ANKMY2: variants seen among roughly 807,000 people sequenced by gnomAD.
ANKMY2 encodes the protein ankyrin repeat and MYND domain containing 2, also known as ankyrin repeat and MYND domain-containing protein 2.
ANKMY2 carries 36 observed loss-of-function variants against 50.4 expected under a neutral mutation model. The ratio of observed to expected loss-of-function variants is 0.71; its 90% CI spans 0.55 to 0.94. The LOEUF is 0.94. Among genes scored for constraint, ANKMY2 ranks in the 40% least tolerant of loss-of-function variants. The pLI is 0.00. For missense variants in ANKMY2, 565 were observed against 524.0 expected (o/e 1.08, Z -0.76); for synonymous variants, 187 against 178.8 (o/e 1.05, Z -0.36).
intron 3 of ANKMY2, 86 bp downstream of exon 3, chr7:16,626,954 A>G (rs1343780717): frequency 1.3e-5 from 15 of 1,167,884 alleles, no homozygotes; most frequent in Non-Finnish European, 1.4e-5. Context: ...AATTACTAAA[A>G]TCAAAATGAA....
intron 7 of ANKMY2, among the ~76,000 whole-genome samples, chr7:16,606,374 A>G (rs1290537934): frequency 6.6e-6 from 1 of 152,054 alleles, no homozygotes; most frequent in Non-Finnish European, 1.5e-5. Context: ...GGTTGCAGTA[A>G]GCCGAGATCG....
chr7:16,600,554 T>A lies in ANKMY2; in HGVS notation c.*207A>T, dbSNP rs1049426776. The A allele has an allele frequency of 1.0e-5, 4 of 401,712 alleles. No homozygotes were observed. Among genetic ancestry groups the A allele is most frequent in the African/African-American group, 2.1e-5 (1 of 48,614 alleles). 24.9% of individuals were successfully genotyped at this position (401,712 alleles called of 1,614,324 possible). A position where few individuals can be genotyped will look rare whatever the true frequency, so the allele number is the denominator to read the frequency against. On this transcript the variant is annotated 3_prime_UTR_variant, in exon 10 of 10. Coordinates refer to ENST00000306999, the MANE Select transcript of ANKMY2 (RefSeq NM_020319.3). ...GTATTTTGAAACAAAAAATTTTCCA[T>A]AGGAATATCCATTCAATTATAGAAC...
chr7:16,628,949 A>C (rs1321392890), intron 2 of ANKMY2, among the ~76,000 whole-genome samples: 1 of 144,576 alleles, frequency 6.9e-6, no homozygotes. Flanking sequence ...AAACAAAACA[A>C]AACACAAAGC....
intron 1 of ANKMY2, 93 bp from the exon 2 acceptor site, chr7:16,636,548 T>C: frequency 2.2e-6 from 2 of 926,866 alleles, no homozygotes; most frequent in Admixed American, 2.7e-5. Context: ...AGGAGTTATC[T>C]GTAAGAGTAC....
chr7:16,633,619 T>C (rs962771821), intron 2 of ANKMY2, among the ~76,000 whole-genome samples: 9 of 152,198 alleles, frequency 5.9e-5, no homozygotes, highest in African/African-American at 1.9e-4. Context: ...TCGAATGTAT[T>C]ATACTACATT....
At chr7:16,606,451 G>T (rs2128342025) in intron 7 of ANKMY2, among the ~76,000 whole-genome samples, 1 of 151,966 alleles carries the variant, frequency 6.6e-6, no homozygotes. Flanking sequence ...AATTATAAGG[G>T]TAAGCATTTA....
At chr7:16,603,567 G>A in intron 8 of ANKMY2, 1 of 469,944 alleles carries the variant, frequency 2.1e-6, no homozygotes, top group Non-Finnish European at 4.4e-6. Context: ...AAGCACTGTG[G>A]TAGGCCCTTA....
chr7:16,604,881 A>C (rs2128341793), intron 7 of ANKMY2, 32 bp from the exon 8 acceptor site: 2 of 1,589,358 alleles, frequency 1.3e-6, no homozygotes, highest in East Asian at 4.5e-5. Flanking sequence ...GAAAAAACAA[A>C]TTCTGAAATC....
intron 4 of ANKMY2, among the ~76,000 whole-genome samples, chr7:16,623,596 A>G (rs764229604): frequency 5.9e-5 from 9 of 152,162 alleles, no homozygotes; most frequent in Non-Finnish European, 1.0e-4. Context: ...ACTGAGGCCT[A>G]TGGAGGTAAA....
chr7:16,613,040 AT>A (rs1162881467), intron 5 of ANKMY2, among the ~76,000 whole-genome samples: 4 of 152,326 alleles, frequency 2.6e-5, no homozygotes, highest in African/African-American at 9.6e-5. Context: ...GAAAATCACA[AT>A]AATCAAAGAC....
rs368949494 is a variant in ANKMY2, at chr7:16,615,892, C to A, written c.383G>T (p.Cys128Phe). The change falls in exon 5 of 10, where the codon TGT (cysteine) becomes TTT (phenylalanine). Residue 128 changes from cysteine (C) to phenylalanine (F), a missense_variant. By Grantham distance (205) the Cys-to-Phe change is radical. Coordinates refer to ENST00000306999, the MANE Select transcript of ANKMY2 (RefSeq NM_020319.3). ...QMAAFVGQHDCVTIINNFFPR... is the reference protein window; with the variant it reads ...QMAAFVGQHDFVTIINNFFPR... ...AAAGAAATTGTTGATTATGGTCACA[C>A]AATCATGTTGACCTTTTCATAGAAA... The A allele has an allele frequency of 5.0e-6, 8 of 1,611,224 alleles. No individual in the cohort carries two copies. In the African/African-American group the frequency reaches 9.4e-5, roughly 19 times the overall value.
intron 2 of ANKMY2, 111 bp from the exon 3 acceptor site, chr7:16,627,289 T>C: frequency 1.7e-6 from 1 of 606,050 alleles, no homozygotes; most frequent in Non-Finnish European, 2.6e-6. Context: ...ATTAAAATGG[T>C]CATTATAATA....
chr7:16,615,763 G>A lies in ANKMY2; in HGVS notation c.512C>T (p.Thr171Met), dbSNP rs777148226. 1.6e-5 allele frequency: 26 copies of A among 1,614,072 alleles called. No individual in the cohort carries two copies. The highest frequency in any genetic ancestry group is 7.7e-5 in the South Asian group (7 of 91,088). ...CACTACCTTGACAGGATGAAGATTCGTTGTGGTGATAATTTTGTGCAGCGG... is the reference window on the plus strand; with the variant it reads ...CACTACCTTGACAGGATGAAGATTCATTGTGGTGATAATTTTGTGCAGCGG... ...AGPLHKIITT[T>M]NLHPVKIVML... Residue 171 changes from threonine (T) to methionine (M), a missense_variant, in exon 5 of 10, where the codon ACG becomes ATG. By Grantham distance (81) the Thr-to-Met change is moderately conservative. Coordinates refer to ENST00000306999, the MANE Select transcript of ANKMY2 (RefSeq NM_020319.3).
chr7:16,638,874 G>A (rs1457353568), intron 1 of ANKMY2, among the ~76,000 whole-genome samples: 1 of 152,154 alleles, frequency 6.6e-6, no homozygotes, highest in Non-Finnish European at 1.5e-5. Context: ...CATTGTTCAG[G>A]AGATTATAAG....
intron 4 of ANKMY2, among the ~76,000 whole-genome samples, chr7:16,619,055 C>T (rs1489045523): frequency 1.3e-5 from 2 of 151,766 alleles, no homozygotes; most frequent in Non-Finnish European, 2.9e-5. Flanking sequence ...CCAACTAGTA[C>T]AATTAGGAAA....
At position 16,600,878 on chromosome 7, in the gene ANKMY2, A is replaced by C. The variant is rs1201485403; in HGVS notation, c.1209T>G (p.Ser403=). ...AATCTTCAGGATTGGAATCCTTTTG[A>C]GAGATACCTACTTCAGCCTCTGGTT... The part of the protein sequence containing the change: ...EEQPEAEVGI[S]QKDSNPEDSG... The change falls in exon 10 of 10, where the codon TCT becomes TCG. Residue 403 remains serine, a synonymous_variant. Transcript: ENST00000306999. 1 of 1,612,874 alleles carries C rather than the reference A, an allele frequency of 6.2e-7. No individual in the cohort carries two copies. Among genetic ancestry groups the C allele is most frequent in the Non-Finnish European group, 8.5e-7 (1 of 1,179,468 alleles).
intron 2 of ANKMY2, among the ~76,000 whole-genome samples, chr7:16,627,552 CT>C (rs1781523370): frequency 6.6e-6 from 1 of 152,118 alleles, no homozygotes; most frequent in African/African-American, 2.4e-5. Flanking sequence ...CAAATAATGC[CT>C]CTCAAGGGGA....
At chr7:16,644,604 C>T (rs962480261) in intron 1 of ANKMY2, 5 of 442,720 alleles carry the variant, frequency 1.1e-5, no homozygotes, top group Non-Finnish European at 1.8e-5. Flanking sequence ...AAAATCACCA[C>T]ATTAATTGCC....
At chr7:16,604,651 T>C in intron 8 of ANKMY2, 70 bp downstream of exon 8, 1 of 1,547,998 alleles carries the variant, frequency 6.5e-7, no homozygotes, top group African/African-American at 1.4e-5. Context: ...TACAGAATAT[T>C]AAAACTCAAT....
Sources: gnomAD v4.1 joint callset for allele counts (sites outside exome capture counted in the v4.1 genomes callset) on GRCh38, gnomAD v4.1.1 for gene constraint, MANE v1.5 for transcripts, NCBI Gene and HGNC (gene_info 2026-07-23, HGNC 2026-07-21) for gene names.